The following PDE4D variants were observed in gnomAD, a reference collection of about 807,000 sequenced individuals.
PDE4D encodes 3',5'-cyclic-AMP phosphodiesterase 4D.
A neutral mutation model predicts 87.4 loss-of-function variants in PDE4D; 24 were observed. The observed-to-expected ratio is 0.27, with a 90% CI of 0.20 to 0.39. The LOEUF (loss-of-function observed/expected upper bound fraction) is 0.39, where lower values mean the gene tolerates loss of function less well. Ranked by LOEUF, PDE4D falls within the 10% of genes least tolerant of loss-of-function variation. The pLI is 1.00. For missense variants in PDE4D, 714 were observed against 1,041.0 expected, an observed-to-expected ratio of 0.69 and a Z score of 4.32; for synonymous variants, 384 against 383.2, an observed-to-expected ratio of 1.00 and a Z score of -0.02.
intron 1 of PDE4D, among the ~76,000 whole-genome samples, chr5:59,803,913 C>G (rs1767441447): frequency 6.6e-6 from 1 of 152,116 alleles, no homozygotes. Flanking sequence ...TGCAAACTTG[C>G]TGATTGCAGG....
At chr5:59,763,584 T>C (rs911044838) in intron 1 of PDE4D, among the ~76,000 whole-genome samples, 3 of 152,160 alleles carry the variant, frequency 2.0e-5, no homozygotes, top group African/African-American at 7.2e-5. Flanking sequence ...TAAAATTCAA[T>C]GACGAGAAAA....
intron 1 of PDE4D, among the ~76,000 whole-genome samples, chr5:59,599,568 A>AT (rs1416702044): frequency 2.0e-5 from 3 of 152,106 alleles, no homozygotes; most frequent in Non-Finnish European, 4.4e-5. Context: ...AGAACATCTT[A>AT]TGACTTTTCT....
At chr5:60,076,414 T>C (rs1190291946) in intron 2 of PDE4D, among the ~76,000 whole-genome samples, 1 of 152,206 alleles carries the variant, frequency 6.6e-6, no homozygotes, top group African/African-American at 2.4e-5. Flanking sequence ...CACCTTGGCC[T>C]CCCAAAGTGC....
chr5:59,230,059 T>C (rs10061600), intron 1 of PDE4D, among the ~76,000 whole-genome samples: 11,257 of 152,294 alleles, frequency 0.074, 536 homozygotes, highest in Non-Finnish European at 0.1. Flanking sequence ...AGTGCTGGGA[T>C]TATAGGCGTG....
At chr5:59,936,029 C>T (rs1157943512) in intron 3 of PDE4D, among the ~76,000 whole-genome samples, 1 of 152,128 alleles carries the variant, frequency 6.6e-6, no homozygotes, top group Admixed American at 6.5e-5. Context: ...GAGGAATTGC[C>T]ACACTGACTT....
At chr5:59,627,425 C>T (rs184218816) in intron 1 of PDE4D, among the ~76,000 whole-genome samples, 8 of 152,200 alleles carry the variant, frequency 5.3e-5, no homozygotes, top group Non-Finnish European at 1.2e-4. Context: ...GGAGCATATT[C>T]TAAGTTCATT....
At chr5:60,113,294 TAATA>T (rs1777856127) in intron 2 of PDE4D, among the ~76,000 whole-genome samples, 1 of 152,104 alleles carries the variant, frequency 6.6e-6, no homozygotes, top group Non-Finnish European at 1.5e-5. Flanking sequence ...TTTTTGAACA[TAATA>T]AATACCATAA....
At chr5:59,905,287 G>A (rs1292573659) in intron 3 of PDE4D, among the ~76,000 whole-genome samples, 1 of 152,064 alleles carries the variant, frequency 6.6e-6, no homozygotes, top group Non-Finnish European at 1.5e-5. Context: ...GTGGAGCGTG[G>A]CAAATGTAGA....
chr5:60,387,810 C>T (rs1011928345), intron 1 of PDE4D, among the ~76,000 whole-genome samples: 26 of 152,134 alleles, frequency 1.7e-4, no homozygotes, highest in Non-Finnish European at 5.9e-5. Flanking sequence ...AACTGGGGGT[C>T]CTCTAATTCA....
intron 1 of PDE4D, among the ~76,000 whole-genome samples, chr5:59,597,693 G>T (rs295978): frequency 1.3e-5 from 2 of 152,078 alleles, no homozygotes; most frequent in Admixed American, 6.6e-5. Context: ...ATATAAAAAT[G>T]TATTTAAACT....
chr5:60,478,691 C>T lies in PDE4D; in HGVS notation c.-90+9251G>A, dbSNP rs531962579. On this transcript the variant is annotated intron_variant, in intron 1 of 16. Coordinates refer to the PDE4D transcript ENST00000502484. ...TTGCATATTTCCCAGGAGCTCTGCA[C>T]TAAAGCATAAACTTTCACATTAGAG... Among the ~76,000 whole-genome samples, 23 of 152,228 alleles carry T rather than the reference C, an allele frequency of 1.5e-4. No homozygotes were observed. The South Asian group carries it at 4.8e-3, about 32-fold the overall frequency.
chr5:60,377,717 T>G (rs1273477144), intron 1 of PDE4D, among the ~76,000 whole-genome samples: 1 of 152,168 alleles, frequency 6.6e-6, no homozygotes, highest in African/African-American at 2.4e-5. Flanking sequence ...TACTCCCCGT[T>G]AAAGGCTTAA....
intron 1 of PDE4D, among the ~76,000 whole-genome samples, chr5:59,244,112 C>T (rs367772687): frequency 7.9e-5 from 12 of 151,766 alleles, no homozygotes; most frequent in African/African-American, 2.4e-4. Context: ...AAATGTCAAG[C>T]GAAGAATGCA....
chr5:60,386,382 T>C (rs1470644768), intron 1 of PDE4D, among the ~76,000 whole-genome samples: 1 of 152,252 alleles, frequency 6.6e-6, no homozygotes, highest in Non-Finnish European at 1.5e-5. Flanking sequence ...AATACATTCA[T>C]GGATATTTTG....
At chr5:60,421,053 C>T (rs1484350012) in intron 1 of PDE4D, among the ~76,000 whole-genome samples, 1 of 152,228 alleles carries the variant, frequency 6.6e-6, no homozygotes, top group Admixed American at 6.5e-5. Context: ...GGGCAGAGCC[C>T]ACCACAGCTC....
At chr5:59,411,056 A>C (rs1792592086) in intron 1 of PDE4D, among the ~76,000 whole-genome samples, 1 of 152,262 alleles carries the variant, frequency 6.6e-6, no homozygotes, top group East Asian at 1.9e-4. Context: ...ATAAAGTGGC[A>C]CTGGTCTCCT....
chr5:59,954,348 T>G (rs936784849), intron 3 of PDE4D, among the ~76,000 whole-genome samples: 1 of 152,230 alleles, frequency 6.6e-6, no homozygotes, highest in Non-Finnish European at 1.5e-5. Flanking sequence ...AAGAACCAGG[T>G]ATTTATTAAA....
intron 1 of PDE4D, among the ~76,000 whole-genome samples, chr5:59,714,367 G>C (rs191078107): frequency 4.6e-5 from 7 of 152,236 alleles, no homozygotes; most frequent in African/African-American, 1.7e-4. Context: ...CTGCAGCCAG[G>C]TGGAAATGTT....
At chr5:60,227,992 C>T (rs1363009780) in intron 1 of PDE4D, among the ~76,000 whole-genome samples, 2 of 151,996 alleles carry the variant, frequency 1.3e-5, no homozygotes, top group Non-Finnish European at 2.9e-5. Flanking sequence ...CCCTCAATGT[C>T]ATGCTCTCTC....
Sources: gnomAD v4.1 joint callset for allele counts (sites outside exome capture counted in the v4.1 genomes callset) on GRCh38, gnomAD v4.1.1 for gene constraint, MANE v1.5 for transcripts, NCBI Gene and HGNC (gene_info 2026-07-23, HGNC 2026-07-21) for gene names.